Variants in ZNF407 observed in about 807,000 individuals in gnomAD.
The protein encoded by ZNF407 is zinc finger protein 407.
ZNF407 carries 17 observed loss-of-function variants against 131.2 expected under a neutral mutation model. The ratio of observed to expected loss-of-function variants is 0.13; its 90% CI spans 0.09 to 0.19. The LOEUF is 0.19. Among genes scored for constraint, ZNF407 ranks in the 10% least tolerant of loss-of-function variants. The probability of loss-of-function intolerance (pLI) is 1.00; values close to 1 mark genes in which losing one functional copy is unlikely to be tolerated. For missense variants in ZNF407, 2,681 were observed against 2,830.6 expected (o/e 0.95, Z 1.20); for synonymous variants, 1,156 against 1,062.0 (o/e 1.09, Z -1.72).
chr18:74,840,878 A>G (rs558389092), intron 4 of ZNF407, among the ~76,000 whole-genome samples: 1 of 152,290 alleles, frequency 6.6e-6, no homozygotes, highest in Admixed American at 6.5e-5. Flanking sequence ...TAGTCCTCCC[A>G]ACTAACTCCG....
intron 3 of ZNF407, among the ~76,000 whole-genome samples, chr18:74,764,880 A>T (rs12326988): frequency 6.6e-6 from 1 of 152,156 alleles, no homozygotes; most frequent in African/African-American, 2.4e-5. Flanking sequence ...GAAAATCATA[A>T]GAAATAGGTG....
intron 3 of ZNF407, among the ~76,000 whole-genome samples, chr18:74,651,561 A>G (rs1345222087): frequency 6.6e-6 from 1 of 152,174 alleles, no homozygotes; most frequent in Non-Finnish European, 1.5e-5. Flanking sequence ...ACAGTCATCG[A>G]CAGAGAATAT....
At position 75,064,214 on chromosome 18, in the gene ZNF407, G is replaced by C; in HGVS notation, c.6493G>C (p.Glu2165Gln). 1 of 1,605,626 alleles carries C rather than the reference G, an allele frequency of 6.2e-7. No homozygotes were observed. Among genetic ancestry groups the C allele is most frequent in the Non-Finnish European group, 8.5e-7 (1 of 1,177,552 alleles). The part of the protein sequence containing the change: ...MVQESSGGFS[E>Q]GTTHYILTEL... ...GCAGGAGTCCAGTGGCGGCTTCTCC[G>C]AGGGCACCACGCACTACATCCTGAC... Residue 2165 changes from glutamate (E) to glutamine (Q), a missense_variant, in exon 9 of 9, where the codon GAG becomes CAG. By Grantham distance (29) the Glu-to-Gln change is conservative (BLOSUM62 2). This residue lies in a region of ZNF407 where 620 missense variants were observed against 583.1 expected (regional missense o/e 1.06). Transcript: ENST00000299687.
intron 8 of ZNF407, among the ~76,000 whole-genome samples, chr18:75,020,340 G>GTA (rs768363858): frequency 4.5e-4 from 57 of 127,846 alleles, no homozygotes; most frequent in Non-Finnish European, 7.0e-4. Flanking sequence ...GTGTGTGTGT[G>GTA]TATATATATA....
At chr18:74,608,807 TC>T (rs1982925596) in intron 1 of ZNF407, among the ~76,000 whole-genome samples, 2 of 152,170 alleles carry the variant, frequency 1.3e-5, no homozygotes, top group Non-Finnish European at 2.9e-5. Context: ...AGGGGTGAAA[TC>T]ATGTCCTTCT....
rs1364632143 is a variant in ZNF407 at position 74,857,717 on chromosome 18, C to CT, written c.4878-19472dup. Reference sequence around the variant, plus strand: ...TGAAAATTATGAGTTCATAAAGTAGCTTTTTTTTAAATTAATGAAGTACTG... The same window carrying CT: ...TGAAAATTATGAGTTCATAAAGTAGCTTTTTTTTTAAATTAATGAAGTACTG... On this transcript the variant is annotated intron_variant, in intron 4 of 8. Transcript: ENST00000299687. 6.8e-4 allele frequency among the ~76,000 whole-genome samples: 103 copies of CT among 151,846 alleles called. 1 individual carries two copies. The highest frequency in any genetic ancestry group is 3.3e-4 in the Admixed American group (5 of 15,262).
chr18:74,820,403 A>G (rs17055660), intron 4 of ZNF407, among the ~76,000 whole-genome samples: 13,274 of 152,232 alleles, frequency 0.087, 658 homozygotes, highest in South Asian at 0.17. Context: ...ATTCACATTC[A>G]TCAGTCAGGT....
intron 4 of ZNF407, among the ~76,000 whole-genome samples, chr18:74,870,336 A>G (rs1038573525): frequency 6.6e-6 from 1 of 152,188 alleles, no homozygotes; most frequent in African/African-American, 2.4e-5. Flanking sequence ...AATTAGGCTA[A>G]TTATCACCTG....
chr18:74,738,301 T>G (rs1303211760), intron 3 of ZNF407, among the ~76,000 whole-genome samples: 2 of 151,536 alleles, frequency 1.3e-5, no homozygotes, highest in African/African-American at 4.9e-5. Context: ...GTGCCTGTAG[T>G]CCCAGCTACT....
intron 8 of ZNF407, among the ~76,000 whole-genome samples, chr18:74,976,999 C>T (rs892694943): frequency 5.3e-5 from 8 of 152,200 alleles, no homozygotes; most frequent in African/African-American, 1.7e-4. Context: ...GCAGTATAGG[C>T]TGGACAGGCA....
chr18:74,850,659 C>A (rs562334703), intron 4 of ZNF407, among the ~76,000 whole-genome samples: 2 of 152,122 alleles, frequency 1.3e-5, no homozygotes, highest in African/African-American at 4.8e-5. Context: ...GCTTTCAGTT[C>A]CTTTCAGTTT....
chr18:74,850,983 A>T (rs1970774953), intron 4 of ZNF407, among the ~76,000 whole-genome samples: 1 of 152,246 alleles, frequency 6.6e-6, no homozygotes, highest in South Asian at 2.1e-4. Context: ...CTGGAGGTCC[A>T]TAAAAATAAT....
At chr18:74,934,699 G>A (rs1479080246) in intron 8 of ZNF407, among the ~76,000 whole-genome samples, 4 of 152,154 alleles carry the variant, frequency 2.6e-5, no homozygotes, top group Admixed American at 6.5e-5. Context: ...CCAGCTATTC[G>A]GGAGGGTGAG....
chr18:74,792,954 C>T (rs1432248669), intron 4 of ZNF407, among the ~76,000 whole-genome samples: 1 of 152,160 alleles, frequency 6.6e-6, no homozygotes, highest in African/African-American at 2.4e-5. Context: ...TTTATATATG[C>T]AGCTCTCCTC....
chr18:75,064,674 A>G lies in ZNF407; in HGVS notation c.*206A>G. 1 of 486,906 alleles carries G rather than the reference A, an allele frequency of 2.1e-6. No individual in the cohort carries two copies. Among genetic ancestry groups the G allele is most frequent in the Non-Finnish European group, 3.5e-6 (1 of 284,558 alleles). 30.2% of individuals were successfully genotyped at this position (486,906 alleles called of 1,614,324 possible). A position where few individuals can be genotyped will look rare whatever the true frequency, so the allele number is the denominator to read the frequency against. The stretch of plus-strand genomic sequence containing the variant: ...TACCGTGGGCTGGGCCTCGGGGAGC[A>G]GGCTGCCAAGTGCAGGGGAGGGCCG... On this transcript the variant is annotated 3_prime_UTR_variant, in exon 9 of 9. Coordinates refer to ENST00000299687, the MANE Select transcript of ZNF407 (RefSeq NM_017757.3).
chr18:74,669,476 C>T (rs1036222578), intron 3 of ZNF407, among the ~76,000 whole-genome samples: 5 of 152,182 alleles, frequency 3.3e-5, no homozygotes, highest in Admixed American at 6.5e-5. Flanking sequence ...TTCCCAATCA[C>T]GGTGTTTGCC....
intron 8 of ZNF407, among the ~76,000 whole-genome samples, chr18:74,923,298 G>A (rs1402805595): frequency 2.7e-5 from 4 of 149,336 alleles, no homozygotes; most frequent in Non-Finnish European, 4.4e-5. Flanking sequence ...GAGACTTTCT[G>A]GTTATCTTTT....
intron 4 of ZNF407, among the ~76,000 whole-genome samples, chr18:74,801,395 A>T (rs1474401426): frequency 1.3e-5 from 2 of 152,226 alleles, no homozygotes. Flanking sequence ...TATTTTATAT[A>T]TACTTCGAGT....
At chr18:75,060,570 G>A (rs557818151) in intron 8 of ZNF407, among the ~76,000 whole-genome samples, 12 of 150,048 alleles carry the variant, frequency 8.0e-5, no homozygotes, top group South Asian at 4.2e-4. Flanking sequence ...CGATGGCGCG[G>A]TCTCGGCTCA....
Sources: allele counts gnomAD v4.1 joint callset (sites outside exome capture counted in the v4.1 genomes callset), GRCh38; gene constraint gnomAD v4.1.1; regional missense constraint gnomAD v4.1.1; transcripts MANE v1.5; gene names NCBI Gene and HGNC (gene_info 2026-07-23, HGNC 2026-07-21).